MAGI2: variants seen among roughly 807,000 people sequenced by gnomAD.
MAGI2 encodes the protein membrane associated guanylate kinase, WW and PDZ domain containing 2, also known as membrane-associated guanylate kinase, WW and PDZ domain-containing protein 2.
Under a neutral mutation model 133.3 loss-of-function variants are expected in MAGI2, and 35 were observed. The observed-to-expected ratio is 0.26, with a 90% confidence interval of 0.20 to 0.35. The LOEUF is 0.35. Among genes scored for constraint, MAGI2 ranks in the 10% least tolerant of loss-of-function variants. The pLI is 1.00. For synonymous variants in MAGI2, 729 were observed against 710.6 expected (o/e 1.03, Z -0.41); for missense variants, 1,636 against 1,863.4 (o/e 0.88, Z 2.25).
At chr7:78,504,840 G>A (rs566065218) in intron 4 of MAGI2, among the ~76,000 whole-genome samples, 50 of 152,216 alleles carry the variant, frequency 3.3e-4, no homozygotes, top group African/African-American at 1.2e-3. Context: ...GGAAAACTAT[G>A]TAGTTTAAAA....
At chr7:79,306,189 A>ATC (rs1837776812) in intron 1 of MAGI2, among the ~76,000 whole-genome samples, 1 of 138,574 alleles carries the variant, frequency 7.2e-6, no homozygotes, top group African/African-American at 3.0e-5. Context: ...ATATATACAC[A>ATC]TATATATATA....
chr7:78,679,700 C>T (rs550812461), intron 2 of MAGI2, among the ~76,000 whole-genome samples: 56 of 152,158 alleles, frequency 3.7e-4, no homozygotes, highest in African/African-American at 1.2e-3. Flanking sequence ...AAAGACAGGT[C>T]GGAGGAAGCA....
intron 6 of MAGI2, among the ~76,000 whole-genome samples, chr7:78,440,811 G>C (rs1787544322): frequency 6.6e-6 from 1 of 152,052 alleles, no homozygotes; most frequent in South Asian, 2.1e-4. Flanking sequence ...AAATTAGCCA[G>C]GCGTGGTAGT....
chr7:79,049,489 T>A (rs960997969), intron 1 of MAGI2, among the ~76,000 whole-genome samples: 2 of 152,178 alleles, frequency 1.3e-5, no homozygotes, highest in African/African-American at 4.8e-5. Context: ...TGGATCCCTA[T>A]GCAAAGTACT....
chr7:78,260,718 A>T (rs1188088171), intron 9 of MAGI2, among the ~76,000 whole-genome samples: 5 of 152,042 alleles, frequency 3.3e-5, no homozygotes, highest in Non-Finnish European at 7.4e-5. Flanking sequence ...TGTTGGTCAG[A>T]TTGAGTGTGA....
chr7:79,312,658 A>AT (rs1198500342), intron 1 of MAGI2, among the ~76,000 whole-genome samples: 1 of 152,100 alleles, frequency 6.6e-6, no homozygotes, highest in Non-Finnish European at 1.5e-5. Flanking sequence ...AAGTACCTAA[A>AT]TTTTTGTCTC....
chr7:78,283,127 G>A (rs540222495), intron 9 of MAGI2, among the ~76,000 whole-genome samples: 2 of 152,196 alleles, frequency 1.3e-5, no homozygotes, highest in African/African-American at 4.8e-5. Context: ...AAAGTGCTGG[G>A]ATTATGGATT....
chr7:78,787,740 C>A (rs1826955599), intron 2 of MAGI2, among the ~76,000 whole-genome samples: 1 of 152,082 alleles, frequency 6.6e-6, no homozygotes, highest in South Asian at 2.1e-4. Flanking sequence ...TCTCACATTA[C>A]AAATAAATCA....
intron 1 of MAGI2, among the ~76,000 whole-genome samples, chr7:79,250,250 TG>T (rs1279117486): frequency 1.3e-5 from 2 of 151,808 alleles, no homozygotes; most frequent in East Asian, 3.9e-4. Flanking sequence ...AGGATGCCCA[TG>T]TTCATCACTT....
intron 21 of MAGI2, among the ~76,000 whole-genome samples, chr7:78,028,848 C>CAAAAA (rs56201811): frequency 7.1e-5 from 6 of 84,412 alleles, no homozygotes; most frequent in Non-Finnish European, 1.2e-4. Flanking sequence ...GACTCCATCT[C>CAAAAA]AAAAAAAAAA....
At chr7:79,364,484 C>A (rs936632868) in intron 1 of MAGI2, among the ~76,000 whole-genome samples, 1 of 151,806 alleles carries the variant, frequency 6.6e-6, no homozygotes, top group Non-Finnish European at 1.5e-5. Flanking sequence ...TTTTTACATA[C>A]AAAATAAATA....
At chr7:79,188,278 A>T (rs7791486) in intron 1 of MAGI2, among the ~76,000 whole-genome samples, 25,437 of 150,566 alleles carry the variant, frequency 0.17, 4,836 homozygotes, top group African/African-American at 0.46. Flanking sequence ...TACCCTTTCC[A>T]CCCCGCCTCC....
intron 10 of MAGI2, 81 bp downstream of exon 10, chr7:78,255,862 A>T (rs769575566): frequency 1.0e-5 from 14 of 1,376,640 alleles, no homozygotes; most frequent in Non-Finnish European, 1.3e-5. Context: ...AACTCCAAGG[A>T]AATCTGCATT....
intron 1 of MAGI2, among the ~76,000 whole-genome samples, chr7:79,035,708 T>G (rs1484512431): frequency 6.6e-6 from 1 of 152,188 alleles, no homozygotes; most frequent in East Asian, 1.9e-4. Context: ...TTAGTAAACC[T>G]ATTAATTTCT....
chr7:79,355,252 G>A (rs1841945151), intron 1 of MAGI2, among the ~76,000 whole-genome samples: 1 of 151,844 alleles, frequency 6.6e-6, no homozygotes, highest in Non-Finnish European at 1.5e-5. Flanking sequence ...TTCTTCCCCT[G>A]GGGAGCAAGG....
At chr7:78,168,576 A>G (rs777839292) in intron 14 of MAGI2, among the ~76,000 whole-genome samples, 4 of 152,198 alleles carry the variant, frequency 2.6e-5, no homozygotes, top group Non-Finnish European at 5.9e-5. Context: ...GCTCCGTTTC[A>G]CAATTTGTGT....
At chr7:79,074,623 A>G (rs569283009) in intron 1 of MAGI2, among the ~76,000 whole-genome samples, 9 of 152,352 alleles carry the variant, frequency 5.9e-5, no homozygotes, top group Admixed American at 5.2e-4. Flanking sequence ...CTATGATACA[A>G]TAGCTAGAAA....
Position 79,202,273 on chromosome 7 carries a change from G to T in MAGI2, c.302-195067C>A, listed in dbSNP as rs983049925. On this transcript the variant is annotated intron_variant, in intron 1 of 21. Coordinates refer to ENST00000354212, the MANE Select transcript of MAGI2 (RefSeq NM_012301.4). ...ATTTTGATTATCTACCAAGACTGGA[G>T]ATGGGTGGTAAGGAAGAGTCACACC... 5.3e-5 allele frequency among the ~76,000 whole-genome samples: 8 copies of T among 152,016 alleles called. No individual in the cohort carries two copies. In the East Asian group the frequency reaches 1.2e-3, roughly 22 times the overall value.
chr7:79,368,098 A>G (rs997537919), intron 1 of MAGI2, among the ~76,000 whole-genome samples: 1 of 151,992 alleles, frequency 6.6e-6, no homozygotes, highest in African/African-American at 2.4e-5. Context: ...CACGGCCCTT[A>G]TAAGATGACT....
Sources: gnomAD v4.1 joint callset for allele counts (sites outside exome capture counted in the v4.1 genomes callset) on GRCh38, gnomAD v4.1.1 for gene constraint, MANE v1.5 for transcripts, NCBI Gene and HGNC (gene_info 2026-07-23, HGNC 2026-07-21) for gene names.